The following MYZAP variants were observed in gnomAD, a reference collection of about 807,000 sequenced individuals.
MYZAP encodes the protein myocardial zonula adherens protein, also known as GRINL1A complex locus upstream.
In MYZAP, 66 loss-of-function variants were observed where a neutral mutation model predicts 69.4. The observed-to-expected ratio is 0.95, with a 90% CI of 0.78 to 1.17. The LOEUF is 1.17. MYZAP is among the 50% of genes most tolerant of loss of function. MYZAP has a pLI of 0.00. For synonymous variants in MYZAP, 256 were observed against 205.9 expected (o/e 1.24, Z -2.09); for missense variants, 611 against 556.2 (o/e 1.10, Z -0.99).
chr15:57,656,212 G>C lies in MYZAP; in HGVS notation c.1120-5238G>C, dbSNP rs143556299. Among the ~76,000 whole-genome samples the C allele has an allele frequency of 6.8e-3, 1,031 of 152,270 alleles. 13 individuals are homozygous for C. The highest frequency in any genetic ancestry group is 0.032 in the South Asian group (153 of 4,830). Reference sequence around the variant, plus strand: ...AGCAAGATCATCTTGGCCCAACTGGGCCTCCAAGCATCTGATCCAGACAGT... The same window carrying C: ...AGCAAGATCATCTTGGCCCAACTGGCCCTCCAAGCATCTGATCCAGACAGT... On this transcript the variant is annotated intron_variant, in intron 10 of 12. Transcript: ENST00000267853.
intron 1 of MYZAP, chr15:57,599,609 T>C: frequency 7.8e-7 from 1 of 1,289,144 alleles, no homozygotes; most frequent in Non-Finnish European, 1.0e-6. Flanking sequence ...GTGCCCTACC[T>C]GCCTTTCAGG....
At chr15:57,673,601 A>G (rs2038981314) in intron 11 of MYZAP, among the ~76,000 whole-genome samples, 1 of 151,902 alleles carries the variant, frequency 6.6e-6, no homozygotes. Flanking sequence ...ATAGCATGTC[A>G]TCTACTAAGG....
intron 1 of MYZAP, among the ~76,000 whole-genome samples, chr15:57,601,264 G>C (rs1364380469): frequency 6.6e-5 from 8 of 120,920 alleles, no homozygotes; most frequent in African/African-American, 2.8e-4. Flanking sequence ...ATATGTACGT[G>C]TGTGCACACT....
intron 1 of MYZAP, among the ~76,000 whole-genome samples, chr15:57,592,894 A>C (rs1167205480): frequency 2.0e-5 from 3 of 152,130 alleles, no homozygotes; most frequent in African/African-American, 4.8e-5. Flanking sequence ...ATGATGTTCA[A>C]TACTTATCAT....
rs55767806 is a variant in MYZAP at position 57,661,982 on chromosome 15, T to G, written c.1203+449T>G. The stretch of plus-strand genomic sequence containing the variant: ...GAAGACAGGTGGTTTTGCTCAAGGT[T>G]GCCCAGCTTAATAAATGTCAGAGCC... On this transcript the variant is annotated intron_variant, in intron 11 of 12. Coordinates refer to ENST00000267853, the MANE Select transcript of MYZAP (RefSeq NM_001018100.5). Among the ~76,000 whole-genome samples, 723 of 152,334 alleles carry G rather than the reference T, an allele frequency of 4.7e-3. 4 individuals are homozygous for G. Among genetic ancestry groups the G allele is most frequent in the African/African-American group, 0.017 (702 of 41,570 alleles).
intron 10 of MYZAP, among the ~76,000 whole-genome samples, chr15:57,660,970 A>T (rs185560628): frequency 2.0e-4 from 30 of 152,328 alleles, no homozygotes; most frequent in African/African-American, 7.2e-4. Flanking sequence ...AACTTTTGAC[A>T]CTTGGTTGAA....
chr15:57,679,340 TTGTGTGTGTGTGTGTG>T (rs34683334), intron 12 of MYZAP, among the ~76,000 whole-genome samples: 1 of 125,512 alleles, frequency 8.0e-6, no homozygotes, highest in African/African-American at 2.9e-5. Flanking sequence ...TTTCACCTCT[TTGTGTGTGTGTGTGTG>T]TGTGTGTGTG....
At chr15:57,633,851 A>G in intron 8 of MYZAP, 110 bp downstream of exon 8, 1 of 1,255,482 alleles carries the variant, frequency 8.0e-7, no homozygotes, top group Non-Finnish European at 1.0e-6. Context: ...CAAAATTTGC[A>G]ATTAAAAAAA....
At position 57,647,899 on chromosome 15, in the gene MYZAP, T is replaced by C. The variant is rs1053982666; in HGVS notation, c.1119+8354T>C. On this transcript the variant is annotated intron_variant, in intron 10 of 12. Coordinates refer to ENST00000267853, the MANE Select transcript of MYZAP (RefSeq NM_001018100.5). Reference sequence around the variant, plus strand: ...GATATGGTGTGAACTTGACTTATACTGCTTGTGAAACCTGAGTCATGTGCT... The same window carrying C: ...GATATGGTGTGAACTTGACTTATACCGCTTGTGAAACCTGAGTCATGTGCT... 14 of 985,266 alleles carry C rather than the reference T, an allele frequency of 1.4e-5. No individual in the cohort carries two copies. The African/African-American group carries it at 2.4e-4, about 17-fold the overall frequency. 61.0% of individuals were successfully genotyped at this position (985,266 alleles called of 1,614,324 possible).
Position 57,679,375 on chromosome 15 carries a change from TTTCTCTC to T in MYZAP, c.1304+4309_1304+4315del, listed in dbSNP as rs2039314420. Among the ~76,000 whole-genome samples the T allele has an allele frequency of 2.8e-3, 323 of 115,084 alleles. 2 individuals are homozygous for T. Among genetic ancestry groups the T allele is most frequent in the African/African-American group, 0.01 (306 of 30,532 alleles). 75.5% of individuals were successfully genotyped at this position (115,084 alleles called of 152,430 possible). A position where few individuals can be genotyped will look rare whatever the true frequency, so the allele number is the denominator to read the frequency against. On this transcript the variant is annotated intron_variant, in intron 12 of 12. Coordinates refer to ENST00000267853, the MANE Select transcript of MYZAP (RefSeq NM_001018100.5). ...GTGTGTGTGTGTGTGTGTGTGTGTGTTTCTCTCTCTCTCTCTCTCTGTCTCCTCACTA... is the reference window on the plus strand; with the variant it reads ...GTGTGTGTGTGTGTGTGTGTGTGTGTTCTCTCTCTCTCTGTCTCCTCACTA...
intron 5 of MYZAP, among the ~76,000 whole-genome samples, chr15:57,626,808 C>G (rs1378267560): frequency 1.3e-5 from 2 of 152,240 alleles, no homozygotes; most frequent in Non-Finnish European, 2.9e-5. Context: ...GCAGCAGTGA[C>G]AACAGCAGGG....
chr15:57,649,497 T>C (rs974784051), intron 10 of MYZAP, among the ~76,000 whole-genome samples: 1 of 152,224 alleles, frequency 6.6e-6, no homozygotes, highest in Non-Finnish European at 1.5e-5. Flanking sequence ...CATTCAAGTT[T>C]CCTCCTTTAT....
intron 10 of MYZAP, among the ~76,000 whole-genome samples, chr15:57,650,278 G>C (rs1394959269): frequency 1.3e-5 from 2 of 152,148 alleles, no homozygotes; most frequent in Non-Finnish European, 2.9e-5. Context: ...TTGGGCTTAA[G>C]AGTGGGAATA....
At chr15:57,675,819 A>G (rs555051471) in intron 12 of MYZAP, among the ~76,000 whole-genome samples, 1 of 152,222 alleles carries the variant, frequency 6.6e-6, no homozygotes. Flanking sequence ...TCAAGAGGAC[A>G]TAAAACAAGT....
intron 10 of MYZAP, among the ~76,000 whole-genome samples, 163 bp from the exon 11 acceptor site, chr15:57,661,287 G>A (rs1204798273): frequency 6.6e-6 from 1 of 152,134 alleles, no homozygotes; most frequent in Non-Finnish European, 1.5e-5. Context: ...GAATCAGTAT[G>A]CAGGCTGTTT....
At chr15:57,637,863 T>G (rs1405208733) in intron 9 of MYZAP, 89 bp downstream of exon 9, 1 of 1,334,508 alleles carries the variant, frequency 7.5e-7, no homozygotes, top group African/African-American at 1.5e-5. Flanking sequence ...ACATTTTCAT[T>G]TGTGTGGTTG....
intron 2 of MYZAP, among the ~76,000 whole-genome samples, 172 bp from the exon 3 acceptor site, chr15:57,617,861 A>G (rs937612739): frequency 6.6e-6 from 1 of 152,156 alleles, no homozygotes; most frequent in Non-Finnish European, 1.5e-5. Flanking sequence ...GCCTATGCCA[A>G]ATCACCTTGG....
intron 10 of MYZAP, among the ~76,000 whole-genome samples, chr15:57,643,311 T>A (rs11629719): frequency 0.24 from 36,710 of 152,206 alleles, 5,600 homozygotes; most frequent in Non-Finnish European, 0.33. Context: ...GGCACGGATC[T>A]TACCCACTGG....
At chr15:57,676,481 C>T (rs550247254) in intron 12 of MYZAP, among the ~76,000 whole-genome samples, 53 of 145,504 alleles carry the variant, frequency 3.6e-4, no homozygotes, top group Middle Eastern at 3.7e-3. Context: ...TATATATAGA[C>T]TCCGGATCTC....
Sources: allele counts gnomAD v4.1 joint callset (sites outside exome capture counted in the v4.1 genomes callset), GRCh38; gene constraint gnomAD v4.1.1; transcripts MANE v1.5; gene names NCBI Gene and HGNC (gene_info 2026-07-23, HGNC 2026-07-21).